Variants in NCKAP5 observed in about 807,000 individuals in gnomAD.
NCKAP5 encodes NCK associated protein 5.
In NCKAP5, 92 loss-of-function variants were observed where a neutral mutation model predicts 167.0. The ratio of observed to expected loss-of-function variants is 0.55; its 90% confidence interval spans 0.47 to 0.66. The LOEUF is 0.66. Ranked by LOEUF, NCKAP5 falls within the 30% of genes least tolerant of loss-of-function variation. The pLI is 0.00. For synonymous variants in NCKAP5, 891 were observed against 877.4 expected, an observed-to-expected ratio of 1.02 and a Z score of -0.27; for missense variants, 2,378 against 2,315.0, an observed-to-expected ratio of 1.03 and a Z score of -0.56.
At chr2:132,882,797 G>A (rs1485156830) in intron 8 of NCKAP5, among the ~76,000 whole-genome samples, 1 of 152,162 alleles carries the variant, frequency 6.6e-6, no homozygotes, top group Non-Finnish European at 1.5e-5. Flanking sequence ...ATTGAGTGCA[G>A]TGTCCCTCCC....
At chr2:132,727,734 C>T (rs890338765) in intron 18 of NCKAP5, among the ~76,000 whole-genome samples, 7 of 152,172 alleles carry the variant, frequency 4.6e-5, no homozygotes, top group African/African-American at 1.7e-4. Context: ...GTTCCAGTCT[C>T]GGCTCTACAG....
At chr2:133,509,058 T>C (rs536164285) in intron 3 of NCKAP5, among the ~76,000 whole-genome samples, 48 of 152,278 alleles carry the variant, frequency 3.2e-4, no homozygotes, top group Admixed American at 2.3e-3. Context: ...GAAACAGGTG[T>C]CACCCGAGCT....
chr2:133,552,900 A>G (rs1687465435), intron 2 of NCKAP5, among the ~76,000 whole-genome samples: 2 of 152,194 alleles, frequency 1.3e-5, no homozygotes, highest in Non-Finnish European at 2.9e-5. Flanking sequence ...CACTGTTGCT[A>G]TATGCTCAAA....
intron 18 of NCKAP5, among the ~76,000 whole-genome samples, chr2:132,727,215 C>CT (rs879818157): frequency 1.1e-4 from 16 of 151,844 alleles, no homozygotes; most frequent in East Asian, 9.7e-4. Context: ...GCAAGAGTAA[C>CT]TTTTTTTTTC....
At chr2:132,843,246 T>A (rs1688423662) in intron 11 of NCKAP5, among the ~76,000 whole-genome samples, 1 of 152,134 alleles carries the variant, frequency 6.6e-6, no homozygotes, top group South Asian at 2.1e-4. Flanking sequence ...ATCTTTACGT[T>A]CCTATTATTT....
intron 3 of NCKAP5, among the ~76,000 whole-genome samples, chr2:133,329,261 G>A (rs111698765): frequency 8.5e-5 from 13 of 152,110 alleles, no homozygotes; most frequent in Non-Finnish European, 1.5e-4. Flanking sequence ...ACAGGCCTGT[G>A]GAGGGGGCAG....
At chr2:133,204,693 G>A (rs1033224895) in intron 5 of NCKAP5, among the ~76,000 whole-genome samples, 2 of 152,150 alleles carry the variant, frequency 1.3e-5, no homozygotes, top group African/African-American at 2.4e-5. Context: ...TTGGCTTCAA[G>A]TTTACTGGGA....
intron 5 of NCKAP5, among the ~76,000 whole-genome samples, chr2:133,134,660 A>G (rs2082725123): frequency 6.6e-6 from 1 of 152,226 alleles, no homozygotes; most frequent in Non-Finnish European, 1.5e-5. Context: ...CCATGGTTCT[A>G]CAGAATGATC....
intron 8 of NCKAP5, among the ~76,000 whole-genome samples, chr2:132,943,146 G>A (rs1308205586): frequency 6.6e-6 from 1 of 152,194 alleles, no homozygotes; most frequent in Non-Finnish European, 1.5e-5. Context: ...ACATCTTACT[G>A]TCTTCCTCTG....
intron 4 of NCKAP5, among the ~76,000 whole-genome samples, chr2:133,214,521 T>G (rs142571937): frequency 2.9e-4 from 44 of 152,358 alleles, no homozygotes; most frequent in Admixed American, 2.5e-3. Flanking sequence ...ACTCCTTATT[T>G]AACAATGGGG....
chr2:133,260,772 C>T (rs1324690670), intron 4 of NCKAP5, among the ~76,000 whole-genome samples: 2 of 152,128 alleles, frequency 1.3e-5, no homozygotes, highest in Non-Finnish European at 2.9e-5. Context: ...GTAGAACAGT[C>T]TGGGAGAAGG....
upstream of NCKAP5, among the ~76,000 whole-genome samples, chr2:133,570,406 G>A (rs2105067687): frequency 6.6e-6 from 1 of 152,288 alleles, no homozygotes; most frequent in African/African-American, 2.4e-5. Flanking sequence ...CCTATAGTAG[G>A]TGCTCAAGAA....
chr2:133,382,039 G>A (rs939252471), intron 3 of NCKAP5, among the ~76,000 whole-genome samples: 13 of 152,168 alleles, frequency 8.5e-5, no homozygotes, highest in African/African-American at 2.7e-4. Context: ...CTCATGATTT[G>A]CACGACACAT....
chr2:133,463,995 C>A (rs1325870693), intron 3 of NCKAP5, among the ~76,000 whole-genome samples: 1 of 152,146 alleles, frequency 6.6e-6, no homozygotes, highest in Non-Finnish European at 1.5e-5. Flanking sequence ...CCCATTGGAC[C>A]AAGCTTGGGG....
At chr2:132,846,773 C>G (rs1688693737) in intron 11 of NCKAP5, among the ~76,000 whole-genome samples, 1 of 152,162 alleles carries the variant, frequency 6.6e-6, no homozygotes, top group Non-Finnish European at 1.5e-5. Flanking sequence ...TGTTTAAAGT[C>G]ACACAACTTA....
chr2:133,129,259 C>G lies in NCKAP5; in HGVS notation c.341+719G>C, dbSNP rs531433036. Among the ~76,000 whole-genome samples the G allele has an allele frequency of 3.3e-5, 5 of 151,976 alleles. No individual in the cohort carries two copies. The South Asian group carries it at 1.0e-3, about 32-fold the overall frequency. On this transcript the variant is annotated intron_variant, in intron 6 of 19. Transcript: ENST00000409261. ...ATCCCTCCCCGCTCCCCCCACCCCA[C>G]AACAGTCCCCGGAGTGTGATGTTCC...
At chr2:133,420,814 T>C (rs1689426157) in intron 3 of NCKAP5, among the ~76,000 whole-genome samples, 1 of 152,176 alleles carries the variant, frequency 6.6e-6, no homozygotes. Flanking sequence ...TTAGGCTGCC[T>C]TACCTCGTCA....
At chr2:133,517,081 A>G (rs1367912433) in intron 3 of NCKAP5, among the ~76,000 whole-genome samples, 2 of 152,218 alleles carry the variant, frequency 1.3e-5, no homozygotes, top group South Asian at 2.1e-4. Context: ...TTGAACCTGT[A>G]TTGAATTCTT....
intron 4 of NCKAP5, among the ~76,000 whole-genome samples, chr2:133,241,722 C>T (rs1327592957): frequency 6.6e-6 from 1 of 152,108 alleles, no homozygotes; most frequent in Non-Finnish European, 1.5e-5. Flanking sequence ...TTCACATATC[C>T]CAGGAACGTG....
Sources: allele counts gnomAD v4.1 joint callset (sites outside exome capture counted in the v4.1 genomes callset), GRCh38; gene constraint gnomAD v4.1.1; transcripts MANE v1.5; gene names NCBI Gene and HGNC (gene_info 2026-07-23, HGNC 2026-07-21).